Variants in FAT3 observed in about 807,000 individuals in gnomAD.
The protein encoded by FAT3 is FAT atypical cadherin 3.
In FAT3, 95 loss-of-function variants were observed where a neutral mutation model predicts 310.2. That is an observed-to-expected ratio of 0.31 (90% CI 0.26 to 0.36). The LOEUF (loss-of-function observed/expected upper bound fraction) is 0.36, where lower values mean the gene tolerates loss of function less well. FAT3 is among the 10% of genes least tolerant of loss of function. The pLI is 1.00. For missense variants in FAT3, 5,408 were observed against 5,715.6 expected (o/e 0.95, Z 1.74); for synonymous variants, 2,314 against 2,192.9 (o/e 1.06, Z -1.54).
chr11:92,380,787 A>T lies in FAT3; in HGVS notation c.3292+25383A>T, dbSNP rs551813937. Among the ~76,000 whole-genome samples, 9 of 152,248 alleles carry T rather than the reference A, an allele frequency of 5.9e-5. No individual in the cohort carries two copies. In the South Asian group the frequency reaches 8.3e-4, roughly 14 times the overall value. On this transcript the variant is annotated intron_variant, in intron 2 of 27. Coordinates refer to ENST00000525166, the MANE Select transcript of FAT3 (RefSeq NM_001367949.2). ...TTTTTCACCCTTATACCCTCAGTTAACTTCTCTATGTGAGTGAGCTTCTGA... is the reference window on the plus strand; with the variant it reads ...TTTTTCACCCTTATACCCTCAGTTATCTTCTCTATGTGAGTGAGCTTCTGA...
At chr11:92,620,710 CTTTTA>C (rs1372260100) in intron 3 of FAT3, among the ~76,000 whole-genome samples, 1 of 152,062 alleles carries the variant, frequency 6.6e-6, no homozygotes, top group African/African-American at 2.4e-5. Context: ...ATCAAAGACT[CTTTTA>C]TTTGATTTTT....
intron 1 of FAT3, chr11:92,336,482 C>T (rs970910834): frequency 7.0e-6 from 2 of 285,248 alleles, no homozygotes; most frequent in Non-Finnish European, 1.4e-5. Flanking sequence ...TCAAACTTAA[C>T]AGCCCAACTG....
At chr11:92,471,721 A>G (rs547383839) in intron 2 of FAT3, among the ~76,000 whole-genome samples, 26 of 152,146 alleles carry the variant, frequency 1.7e-4, no homozygotes, top group Non-Finnish European at 1.5e-5. Context: ...TTATTCTAGC[A>G]TTCCTTCTAA....
chr11:92,317,255 A>G (rs1416713552), intron 1 of FAT3, among the ~76,000 whole-genome samples: 3 of 152,198 alleles, frequency 2.0e-5, no homozygotes, highest in Admixed American at 6.5e-5. Context: ...TCTTTTAATC[A>G]TATTCTTTTG....
At chr11:92,771,196 C>T (rs2136109240) in intron 6 of FAT3, among the ~76,000 whole-genome samples, 1 of 152,298 alleles carries the variant, frequency 6.6e-6, no homozygotes, top group South Asian at 2.1e-4. Flanking sequence ...GCACTGAACA[C>T]ACTCTGGCTT....
At chr11:92,705,978 A>AGTGATG (rs149853800) in intron 4 of FAT3, among the ~76,000 whole-genome samples, 3 of 129,750 alleles carry the variant, frequency 2.3e-5, no homozygotes, top group African/African-American at 8.6e-5. Flanking sequence ...TGGTAGTGGC[A>AGTGATG]GTGATGGTGA....
chr11:92,466,418 A>G (rs1951761385), intron 2 of FAT3, among the ~76,000 whole-genome samples: 1 of 152,158 alleles, frequency 6.6e-6, no homozygotes, highest in Non-Finnish European at 1.5e-5. Flanking sequence ...AATGGCTTTT[A>G]GATATTGAGT....
At chr11:92,246,757 A>G (rs776551020) in intron 1 of FAT3, among the ~76,000 whole-genome samples, 2 of 152,104 alleles carry the variant, frequency 1.3e-5, no homozygotes, top group African/African-American at 2.4e-5. Context: ...TAGAGCTCAT[A>G]TATTAGAACA....
At chr11:92,621,629 C>G (rs1183374531) in intron 3 of FAT3, among the ~76,000 whole-genome samples, 1 of 152,148 alleles carries the variant, frequency 6.6e-6, no homozygotes, top group Non-Finnish European at 1.5e-5. Context: ...CATCTTGTTT[C>G]TTTTAGCATT....
intron 3 of FAT3, among the ~76,000 whole-genome samples, chr11:92,585,424 T>C (rs912972045): frequency 2.0e-5 from 3 of 152,052 alleles, no homozygotes; most frequent in Non-Finnish European, 2.9e-5. Context: ...AAAGTTTGTC[T>C]AGGCTCACTA....
chr11:92,719,722 G>T (rs1342978704), intron 4 of FAT3, among the ~76,000 whole-genome samples: 1 of 31,620 alleles, frequency 3.2e-5, no homozygotes, highest in African/African-American at 1.3e-4. Flanking sequence ...AACCAACTCT[G>T]TGTGTGTGTG....
chr11:92,794,897 G>A (rs1422315855), intron 9 of FAT3, among the ~76,000 whole-genome samples: 2 of 152,200 alleles, frequency 1.3e-5, no homozygotes, highest in South Asian at 2.1e-4. Flanking sequence ...CCAGTTGAGG[G>A]TGGGAGACAG....
At position 92,800,393 on chromosome 11, in the gene FAT3, G is replaced by A; in HGVS notation, c.7380G>A (p.Arg2460=). 6.2e-7 allele frequency: 1 copy of A among 1,614,002 alleles called. No homozygotes were observed. The highest frequency in any genetic ancestry group is 1.3e-5 in the African/African-American group (1 of 75,052). Reference sequence around the variant, plus strand: ...CATTGTCCAACCATCGGAAGCAGCGGATGGAGCCTCTGTACAGTCTCAATG... The same window carrying A: ...CATTGTCCAACCATCGGAAGCAGCGAATGGAGCCTCTGTACAGTCTCAATG... The part of the protein sequence containing the change: ...VITLSNHRKQ[R]MEPLYSLNVS... Residue 2460 remains arginine, a synonymous_variant, in exon 10 of 28, where the codon CGG becomes CGA. Transcript: ENST00000525166.
chr11:92,244,517 A>G (rs952297070), intron 1 of FAT3, among the ~76,000 whole-genome samples: 1 of 152,146 alleles, frequency 6.6e-6, no homozygotes, highest in Non-Finnish European at 1.5e-5. Flanking sequence ...AGTTGGAAAT[A>G]CTAATTTACA....
chr11:92,550,439 C>T (rs1010256346), intron 3 of FAT3, among the ~76,000 whole-genome samples: 11 of 152,208 alleles, frequency 7.2e-5, no homozygotes, highest in African/African-American at 2.2e-4. Flanking sequence ...TATACTGGCT[C>T]AAGATGCAGA....
At chr11:92,231,807 T>TG (rs1158708756) in intron 1 of FAT3, among the ~76,000 whole-genome samples, 2 of 65,886 alleles carry the variant, frequency 3.0e-5, no homozygotes, top group African/African-American at 1.1e-4. Context: ...ATATCAGGGT[T>TG]TTTTTTTTTT....
Position 92,798,901 on chromosome 11 carries a change from A to G in FAT3, c.5888A>G (p.Tyr1963Cys), listed in dbSNP as rs763413458. The change falls in exon 10 of 28, where the codon TAC becomes TGC. Residue 1963 changes from tyrosine to cysteine, a missense_variant. Tyr to Cys is a radical substitution (Grantham distance 194, BLOSUM62 -2). Transcript: ENST00000525166. ...LIVKVSDGKF[Y>C]STSMVTIMVK... ...GTTAAGGTGTCTGATGGAAAGTTCT[A>G]CAGTACCTCCATGGTCACCATCATG... 6.0e-5 allele frequency: 97 copies of G among 1,613,896 alleles called. No individual in the cohort carries two copies. The highest frequency in any genetic ancestry group is 2.7e-4 in the East Asian group (12 of 44,896).
In FAT3 at chr11:92,809,873, G is replaced by A. The variant is rs769685373; in HGVS notation, c.9278G>A (p.Arg3093Gln). ...GELKTLALLD[R>Q]ERIPVYSLMA... ...TTAAAAACCTTGGCTCTGTTGGACC[G>A]GGAGAGGATCCCCGTGTACAGCCTG... The change falls in exon 13 of 28, where the codon CGG becomes CAG. Residue 3093 changes from arginine (R) to glutamine (Q), a missense_variant. Physicochemically the swap from Arg to Gln is conservative, Grantham distance 43 (BLOSUM62 1). Coordinates refer to ENST00000525166, the MANE Select transcript of FAT3 (RefSeq NM_001367949.2). 1.3e-5 allele frequency: 21 copies of A among 1,613,876 alleles called. No homozygotes were observed. Among genetic ancestry groups the A allele is most frequent in the Admixed American group, 1.0e-4 (6 of 60,020 alleles).
chr11:92,501,367 G>A (rs615011), intron 2 of FAT3, among the ~76,000 whole-genome samples: 54,395 of 151,902 alleles, frequency 0.36, 10,752 homozygotes, highest in Middle Eastern at 0.52. Flanking sequence ...TATTGTCTTA[G>A]ACTGGTATTC....
Sources: allele counts gnomAD v4.1 joint callset (sites outside exome capture counted in the v4.1 genomes callset), GRCh38; gene constraint gnomAD v4.1.1; transcripts MANE v1.5; gene names NCBI Gene and HGNC (gene_info 2026-07-23, HGNC 2026-07-21).